CDC5L: variants seen among roughly 807,000 people sequenced by gnomAD.
The protein encoded by CDC5L is cell division cycle 5-like protein.
CDC5L carries 18 observed loss-of-function variants against 104.1 expected under a neutral mutation model. The observed-to-expected ratio is 0.17, with a 90% confidence interval of 0.12 to 0.26. The LOEUF (loss-of-function observed/expected upper bound fraction) is 0.26. Among genes scored for constraint, CDC5L ranks in the 10% least tolerant of loss-of-function variants. CDC5L has a pLI of 1.00. For missense variants in CDC5L, 673 were observed against 956.9 expected (o/e 0.70, Z 3.91); for synonymous variants, 331 against 322.7 (o/e 1.03, Z -0.28).
chr6:44,391,598 T>C (rs1028001695), intron 2 of CDC5L, among the ~76,000 whole-genome samples: 1 of 152,068 alleles, frequency 6.6e-6, no homozygotes, highest in African/African-American at 2.4e-5. Context: ...CTATTTAGGG[T>C]GTTCTTGGCA....
intron 1 of CDC5L, among the ~76,000 whole-genome samples, chr6:44,389,839 A>G (rs1331878205): frequency 1.3e-5 from 2 of 152,188 alleles, no homozygotes; most frequent in African/African-American, 4.8e-5. Flanking sequence ...AGATGTTTCA[A>G]GGTAGATGTT....
intron 8 of CDC5L, among the ~76,000 whole-genome samples, chr6:44,418,624 G>A (rs1792009987): frequency 6.6e-6 from 1 of 152,084 alleles, no homozygotes; most frequent in African/African-American, 2.4e-5. Flanking sequence ...CAGTGTAAAA[G>A]TGTTCCTATT....
chr6:44,392,958 G>A, intron 3 of CDC5L, 130 bp downstream of exon 3: 1 of 685,248 alleles, frequency 1.5e-6, no homozygotes, highest in Non-Finnish European at 2.3e-6. Flanking sequence ...AAAGCCATTG[G>A]ATAATATTTT....
At position 44,429,847 on chromosome 6, in the gene CDC5L, C is replaced by T; in HGVS notation, c.2028C>T (p.Arg676=). ...TTTTATATCTTCCTGGGCAGAGCCGCTACACACGGGCCAATCTGGCTAGTA... is the reference window on the plus strand; with the variant it reads ...TTTTATATCTTCCTGGGCAGAGCCGTTACACACGGGCCAATCTGGCTAGTA... The part of the protein sequence containing the change: ...SQVLYLPGQS[R]YTRANLASKK... Residue 676 remains arginine, a synonymous_variant, in exon 14 of 16, where the codon CGC becomes CGT. Coordinates refer to ENST00000371477, the MANE Select transcript of CDC5L (RefSeq NM_001253.4). 1 of 1,614,100 alleles carries T rather than the reference C, an allele frequency of 6.2e-7. No individual in the cohort carries two copies.
In CDC5L at chr6:44,448,647, T is replaced by C. The variant is rs1029757401; in HGVS notation, c.*1936T>C. The stretch of plus-strand genomic sequence containing the variant: ...AATACTTTTTTCAGTAAGTTCTGGG[T>C]TTTCTAGGAAAAACTTCAGTATCAT... On this transcript the variant is annotated 3_prime_UTR_variant, in exon 16 of 16. Coordinates refer to ENST00000371477, the MANE Select transcript of CDC5L (RefSeq NM_001253.4). The C allele has an allele frequency of 6.6e-6, 1 of 152,208 alleles. No homozygotes were observed. Among genetic ancestry groups the C allele is most frequent in the African/African-American group, 2.4e-5 (1 of 41,458 alleles). The allele number at this position is 152,208 out of a possible 1,614,324, so 9.4% of individuals were successfully genotyped here. A position where few individuals can be genotyped will look rare whatever the true frequency, so the allele number is the denominator to read the frequency against.
At chr6:44,409,589 C>A (rs1299555788) in intron 8 of CDC5L, among the ~76,000 whole-genome samples, 1 of 152,180 alleles carries the variant, frequency 6.6e-6, no homozygotes, top group Admixed American at 6.5e-5. Flanking sequence ...GGAGCTAATA[C>A]TTGTTTTATT....
chr6:44,439,004 C>T (rs928930435), intron 14 of CDC5L, among the ~76,000 whole-genome samples: 1 of 152,120 alleles, frequency 6.6e-6, no homozygotes, highest in Non-Finnish European at 1.5e-5. Flanking sequence ...TCAGCAGTTA[C>T]TCCTCATTCC....
At chr6:44,406,002 A>G (rs1015880668) in intron 6 of CDC5L, among the ~76,000 whole-genome samples, 3 of 151,494 alleles carry the variant, frequency 2.0e-5, no homozygotes, top group Non-Finnish European at 2.9e-5. Context: ...CCCGGGCTCT[A>G]ATGATTCTCC....
chr6:44,422,563 T>C, intron 9 of CDC5L, 84 bp from the exon 10 acceptor site: 1 of 871,430 alleles, frequency 1.1e-6, no homozygotes. Flanking sequence ...ATATTTCCTG[T>C]GAAATAATTT....
intron 13 of CDC5L, 59 bp from the exon 14 acceptor site, chr6:44,429,644 TTCTAAAGCTC>T: frequency 7.0e-7 from 1 of 1,418,672 alleles, no homozygotes; most frequent in African/African-American, 1.4e-5. Context: ...AAAATTAGTC[TTCTAAAGCTC>T]TCTGGATATG....
At chr6:44,445,946 TG>T in intron 15 of CDC5L, 79 bp downstream of exon 15, 1 of 1,077,948 alleles carries the variant, frequency 9.3e-7, no homozygotes, top group South Asian at 1.4e-5. Context: ...ACTTCTCCTA[TG>T]TAGACTGTCT....
rs537317303 is a variant in CDC5L at position 44,421,620 on chromosome 6, C to T, written c.1242-1027C>T. ...AGGATTCCACATCTGTGAATTCAAC[C>T]AACTGTGGATAAAAAATATTCCAAA... On this transcript the variant is annotated intron_variant, in intron 9 of 15. Transcript: ENST00000371477. 8.5e-5 allele frequency among the ~76,000 whole-genome samples: 13 copies of T among 152,232 alleles called. No homozygotes were observed. In the South Asian group the frequency reaches 2.7e-3, roughly 32 times the overall value.
intron 5 of CDC5L, among the ~76,000 whole-genome samples, chr6:44,397,298 T>A (rs11571935): frequency 6.6e-6 from 1 of 152,336 alleles, no homozygotes; most frequent in Admixed American, 6.5e-5. Flanking sequence ...TCACAATGTG[T>A]GCTTGTCTCC....
At chr6:44,406,565 G>A in intron 7 of CDC5L, 98 bp downstream of exon 7, 2 of 1,083,812 alleles carry the variant, frequency 1.8e-6, no homozygotes, top group African/African-American at 1.6e-5. Flanking sequence ...GTTTGTGCTG[G>A]ATGCTCTTAA....
chr6:44,429,868 T>C lies in CDC5L; in HGVS notation c.2049T>C (p.Ala683=). The change falls in exon 14 of 16, where the codon GCT becomes GCC. Residue 683 remains alanine, a synonymous_variant. Transcript: ENST00000371477. ...GCCGCTACACACGGGCCAATCTGGC[T>C]AGTAAAAAGGACAGAATTGAATCAC... The part of the protein sequence containing the change: ...GQSRYTRANL[A]SKKDRIESLE... 1 of 1,614,046 alleles carries C rather than the reference T, an allele frequency of 6.2e-7. No individual in the cohort carries two copies. The highest frequency in any genetic ancestry group is 8.5e-7 in the Non-Finnish European group (1 of 1,179,920).
At chr6:44,437,112 A>G (rs1215716695) in intron 14 of CDC5L, among the ~76,000 whole-genome samples, 1 of 152,174 alleles carries the variant, frequency 6.6e-6, no homozygotes, top group Non-Finnish European at 1.5e-5. Context: ...TTTGAATTTT[A>G]GGAAATAAAG....
intron 8 of CDC5L, among the ~76,000 whole-genome samples, chr6:44,415,784 A>G (rs979309833): frequency 1.1e-4 from 17 of 152,138 alleles, no homozygotes; most frequent in African/African-American, 4.1e-4. Context: ...GTGGTTAAGA[A>G]TTGAGGCTTC....
rs114961036 is a variant in CDC5L, at chr6:44,438,378, G to A, written c.2092-7277G>A. The stretch of plus-strand genomic sequence containing the variant: ...ACAACTGATACCTAGCTTGTGTAAT[G>A]ACTCTGGCTGAAACAGAGTTTGACA... On this transcript the variant is annotated intron_variant, in intron 14 of 15. Coordinates refer to ENST00000371477, the MANE Select transcript of CDC5L (RefSeq NM_001253.4). 7.9e-3 allele frequency among the ~76,000 whole-genome samples: 1,209 copies of A among 152,300 alleles called. 20 individuals are homozygous for A. The highest frequency in any genetic ancestry group is 0.028 in the African/African-American group (1,155 of 41,554).
At chr6:44,445,634 T>C in intron 14 of CDC5L, 21 bp from the exon 15 acceptor site, 1 of 1,575,596 alleles carries the variant, frequency 6.3e-7, no homozygotes, top group Non-Finnish European at 8.7e-7. Context: ...TATGCTGATG[T>C]GATCTTCCCC....
Sources: gnomAD v4.1 joint callset for allele counts (sites outside exome capture counted in the v4.1 genomes callset) on GRCh38, gnomAD v4.1.1 for gene constraint, MANE v1.5 for transcripts, NCBI Gene and HGNC (gene_info 2026-07-23, HGNC 2026-07-21) for gene names.